GRIN2B: variants seen among roughly 807,000 people sequenced by gnomAD.
GRIN2B encodes glutamate receptor ionotropic, NMDA 2B.
Under a neutral mutation model 114.5 loss-of-function variants are expected in GRIN2B, and 5 were observed. The ratio of observed to expected loss-of-function variants is 0.04; its 90% CI spans 0.02 to 0.09. The LOEUF (loss-of-function observed/expected upper bound fraction) is 0.09. GRIN2B is among the 10% of genes least tolerant of loss of function. GRIN2B has a pLI of 1.00. For missense variants in GRIN2B, 1,108 were observed against 1,943.5 expected, an observed-to-expected ratio of 0.57 and a Z score of 8.08; for synonymous variants, 787 against 745.1, an observed-to-expected ratio of 1.06 and a Z score of -0.92.
rs1948454332 is a variant in GRIN2B at position 13,554,478 on chromosome 12, G to A, written c.*8305C>T. The A allele has an allele frequency of 6.6e-6, 1 of 152,140 alleles. No homozygotes were observed. Among genetic ancestry groups the A allele is most frequent in the African/African-American group, 2.4e-5 (1 of 41,418 alleles). 9.4% of individuals were successfully genotyped at this position (152,140 alleles called of 1,614,324 possible). On this transcript the variant is annotated 3_prime_UTR_variant, in exon 14 of 14. Coordinates refer to ENST00000609686, the MANE Select transcript of GRIN2B (RefSeq NM_000834.5). ...AACAGTTTAAGGGAAGACGCAAGTGGGAAAACAAGCTGGTAGGGAAAGGTG... is the reference window on the plus strand; with the variant it reads ...AACAGTTTAAGGGAAGACGCAAGTGAGAAAACAAGCTGGTAGGGAAAGGTG...
intron 5 of GRIN2B, among the ~76,000 whole-genome samples, chr12:13,622,441 C>T (rs1949527039): frequency 6.6e-6 from 1 of 152,098 alleles, no homozygotes; most frequent in South Asian, 2.1e-4. Context: ...AGGAGGACAC[C>T]CTCACTTCCC....
At chr12:13,751,030 T>C (rs1317268074) in intron 4 of GRIN2B, among the ~76,000 whole-genome samples, 2 of 152,120 alleles carry the variant, frequency 1.3e-5, no homozygotes, top group Non-Finnish European at 2.9e-5. Flanking sequence ...ATGAAGAGCA[T>C]GAGGCAGGTA....
At chr12:13,597,945 A>G (rs976421078) in intron 10 of GRIN2B, among the ~76,000 whole-genome samples, 3 of 152,194 alleles carry the variant, frequency 2.0e-5, no homozygotes, top group African/African-American at 7.2e-5. Context: ...AGTGGCTATC[A>G]TCTAGCCAAG....
chr12:13,571,729 T>C, intron 11 of GRIN2B, 75 bp downstream of exon 11: 1 of 1,397,104 alleles, frequency 7.2e-7, no homozygotes, highest in South Asian at 1.2e-5. Context: ...GTATACCTAG[T>C]GCATGTGATT....
intron 1 of GRIN2B, among the ~76,000 whole-genome samples, chr12:13,980,683 A>G (rs1290332900): frequency 1.3e-5 from 2 of 152,068 alleles, no homozygotes; most frequent in Non-Finnish European, 2.9e-5. Context: ...ACCATACAGC[A>G]ACACACACTC....
chr12:13,772,991 C>T (rs1863934506), intron 3 of GRIN2B, among the ~76,000 whole-genome samples: 1 of 152,140 alleles, frequency 6.6e-6, no homozygotes, highest in African/African-American at 2.4e-5. Flanking sequence ...CCAGAGATAC[C>T]ATGGACTATA....
Position 13,561,320 on chromosome 12 carries a change from AGAGGT to A in GRIN2B, c.*1458_*1462del, listed in dbSNP as rs1948540103. The A allele has an allele frequency of 6.6e-6, 1 of 152,190 alleles. No homozygotes were observed. Among genetic ancestry groups the A allele is most frequent in the African/African-American group, 2.4e-5 (1 of 41,420 alleles). 9.4% of individuals were successfully genotyped at this position (152,190 alleles called of 1,614,324 possible). ...CACATTCCCAGGGAGCCAGGCCCAA[AGAGGT>A]GGTGGAGGGTCCCTCTCTGCCCCCG... On this transcript the variant is annotated 3_prime_UTR_variant, in exon 14 of 14. Transcript: ENST00000609686.
At chr12:13,897,574 A>T (rs1866374066) in intron 2 of GRIN2B, among the ~76,000 whole-genome samples, 2 of 152,146 alleles carry the variant, frequency 1.3e-5, no homozygotes, top group African/African-American at 4.8e-5. Context: ...ATGAGTCGAG[A>T]GCCCTTAGAC....
At chr12:13,715,438 T>C (rs893180301) in intron 4 of GRIN2B, among the ~76,000 whole-genome samples, 1 of 151,906 alleles carries the variant, frequency 6.6e-6, no homozygotes, top group Non-Finnish European at 1.5e-5. Context: ...TTTTCAGGAA[T>C]AGTCTTGCTC....
At chr12:13,572,002 TGGAG>T in intron 10 of GRIN2B, 38 bp from the exon 11 acceptor site, 1 of 1,513,452 alleles carries the variant, frequency 6.6e-7, no homozygotes, top group Non-Finnish European at 9.1e-7. Flanking sequence ...GAGCGGGAGA[TGGAG>T]GGAGAGAGAG....
At chr12:13,591,537 A>G (rs1325516283) in intron 10 of GRIN2B, among the ~76,000 whole-genome samples, 1 of 152,220 alleles carries the variant, frequency 6.6e-6, no homozygotes, top group Non-Finnish European at 1.5e-5. Flanking sequence ...GCCAGATCAC[A>G]TAGCTTCTTG....
intron 2 of GRIN2B, among the ~76,000 whole-genome samples, chr12:13,872,382 G>A (rs11830268): frequency 0.057 from 8,693 of 151,278 alleles, 335 homozygotes; most frequent in African/African-American, 0.11. Flanking sequence ...CTTGAACAAC[G>A]GAGTCAGAGC....
intron 3 of GRIN2B, among the ~76,000 whole-genome samples, chr12:13,830,166 TATAACTTG>T (rs1183848895): frequency 2.0e-5 from 3 of 152,206 alleles, no homozygotes; most frequent in African/African-American, 4.8e-5. Flanking sequence ...GGTCAGGGAT[TATAACTTG>T]GGCAGCAACC....
chr12:13,809,502 T>C (rs1484778461), intron 3 of GRIN2B, among the ~76,000 whole-genome samples: 1 of 152,214 alleles, frequency 6.6e-6, no homozygotes, highest in East Asian at 1.9e-4. Context: ...ATATAGGAGA[T>C]ATTTTAAAAT....
chr12:13,782,240 G>T (rs1864128711), intron 3 of GRIN2B, among the ~76,000 whole-genome samples: 1 of 152,096 alleles, frequency 6.6e-6, no homozygotes. Flanking sequence ...TCCTGACAAT[G>T]GGGGTCACAC....
intron 3 of GRIN2B, among the ~76,000 whole-genome samples, chr12:13,846,369 T>G (rs557069374): frequency 1.3e-5 from 2 of 152,366 alleles, no homozygotes; most frequent in Admixed American, 1.3e-4. Context: ...CTACTCTCTT[T>G]CCTTCTATTT....
At chr12:13,732,158 CTT>C (rs142353893) in intron 4 of GRIN2B, among the ~76,000 whole-genome samples, 11 of 145,046 alleles carry the variant, frequency 7.6e-5, no homozygotes, top group African/African-American at 7.5e-5. Context: ...CATTACCACA[CTT>C]TTTTTTTTTT....
At chr12:13,887,969 A>G (rs941349247) in intron 2 of GRIN2B, among the ~76,000 whole-genome samples, 2 of 152,220 alleles carry the variant, frequency 1.3e-5, no homozygotes, top group Non-Finnish European at 2.9e-5. Flanking sequence ...TGCACAGTCC[A>G]CCTTCAGCCA....
At chr12:13,607,381 T>TA in intron 10 of GRIN2B, among the ~76,000 whole-genome samples, 1 of 71,142 alleles carries the variant, frequency 1.4e-5, no homozygotes, top group African/African-American at 5.9e-5. Flanking sequence ...ATATTATATA[T>TA]ATAATATATA....
Sources: allele counts gnomAD v4.1 joint callset (sites outside exome capture counted in the v4.1 genomes callset), GRCh38; gene constraint gnomAD v4.1.1; transcripts MANE v1.5; gene names NCBI Gene and HGNC (gene_info 2026-07-23, HGNC 2026-07-21).